GRXCR1: variants seen among roughly 807,000 people sequenced by gnomAD.
The protein encoded by GRXCR1 is glutaredoxin domain-containing cysteine-rich protein 1.
In GRXCR1, 27 loss-of-function variants were observed where a neutral mutation model predicts 27.3. That is an observed-to-expected ratio of 0.99 (90% CI 0.73 to 1.37). The LOEUF is 1.37. Ranked by LOEUF, GRXCR1 falls within the 40% of genes most tolerant of loss-of-function variation. The pLI, the probability that GRXCR1 is intolerant of heterozygous loss-of-function variation, is 0.00. For synonymous variants in GRXCR1, 122 were observed against 131.1 expected, an observed-to-expected ratio of 0.93 and a Z score of 0.47; for missense variants, 379 against 354.4, an observed-to-expected ratio of 1.07 and a Z score of -0.56.
chr4:42,903,338 G>C (rs1360661532), intron 1 of GRXCR1, among the ~76,000 whole-genome samples: 1 of 73,370 alleles, frequency 1.4e-5, no homozygotes, highest in Non-Finnish European at 2.5e-5. Flanking sequence ...TTTTTTTTTA[G>C]ACGGAGTCTC....
chr4:42,944,330 G>GA (rs1577915417), intron 1 of GRXCR1, among the ~76,000 whole-genome samples: 1 of 151,850 alleles, frequency 6.6e-6, no homozygotes, highest in East Asian at 2.0e-4. Context: ...GCACAAGCGA[G>GA]AAAAAAAGAA....
intron 1 of GRXCR1, among the ~76,000 whole-genome samples, chr4:42,906,507 C>A (rs1002198922): frequency 6.6e-6 from 1 of 152,122 alleles, no homozygotes; most frequent in Non-Finnish European, 1.5e-5. Flanking sequence ...ACCTCAGGGG[C>A]TCCACAGTTA....
At chr4:42,931,164 A>G (rs1231234621) in intron 1 of GRXCR1, among the ~76,000 whole-genome samples, 1 of 152,036 alleles carries the variant, frequency 6.6e-6, no homozygotes, top group Non-Finnish European at 1.5e-5. Context: ...AATGTTGGAT[A>G]AACTTTCAGT....
chr4:43,008,574 TAGTAAA>T (rs1191004664), intron 2 of GRXCR1, among the ~76,000 whole-genome samples: 1 of 152,234 alleles, frequency 6.6e-6, no homozygotes, highest in Non-Finnish European at 1.5e-5. Context: ...ATTATAATAC[TAGTAAA>T]AGTAATTTAT....
At chr4:42,992,056 T>A (rs1711991895) in intron 2 of GRXCR1, among the ~76,000 whole-genome samples, 1 of 152,194 alleles carries the variant, frequency 6.6e-6, no homozygotes, top group Admixed American at 6.5e-5. Flanking sequence ...TAGTTTTTAA[T>A]CCTTTTCCAA....
chr4:42,903,043 A>G (rs1041843737), intron 1 of GRXCR1, among the ~76,000 whole-genome samples: 2 of 151,898 alleles, frequency 1.3e-5, no homozygotes, highest in African/African-American at 4.8e-5. Context: ...ATAATCCAGC[A>G]CTGGGCTTCT....
intron 3 of GRXCR1, among the ~76,000 whole-genome samples, chr4:43,021,670 G>A (rs1042319759): frequency 5.3e-5 from 8 of 152,136 alleles, no homozygotes; most frequent in Non-Finnish European, 1.0e-4. Context: ...AAACAATAGA[G>A]TATGTTTAGA....
intron 2 of GRXCR1, among the ~76,000 whole-genome samples, chr4:42,970,658 A>G (rs1210354889): frequency 1.3e-5 from 2 of 152,086 alleles, no homozygotes; most frequent in Admixed American, 6.6e-5. Flanking sequence ...GGCCCTGGGG[A>G]TGGCCCATGA....
At chr4:42,950,430 G>T (rs9684536) in intron 1 of GRXCR1, among the ~76,000 whole-genome samples, 55,699 of 151,972 alleles carry the variant, frequency 0.37, 10,414 homozygotes, top group African/African-American at 0.43. Flanking sequence ...TGATGATTTT[G>T]GTGGTCATCC....
At chr4:43,008,529 T>G (rs1233678057) in intron 2 of GRXCR1, among the ~76,000 whole-genome samples, 1 of 152,236 alleles carries the variant, frequency 6.6e-6, no homozygotes, top group East Asian at 1.9e-4. Flanking sequence ...CAGTGTGCAT[T>G]TGACAAATTT....
chr4:42,991,700 A>G (rs1711980055), intron 2 of GRXCR1, among the ~76,000 whole-genome samples: 1 of 152,118 alleles, frequency 6.6e-6, no homozygotes, highest in South Asian at 2.1e-4. Flanking sequence ...TTGGTATTGT[A>G]CAACATATTT....
chr4:42,961,252 C>G (rs764736405), intron 1 of GRXCR1, among the ~76,000 whole-genome samples: 1 of 151,852 alleles, frequency 6.6e-6, no homozygotes, highest in Non-Finnish European at 1.5e-5. Context: ...GGCTATCATT[C>G]ACGGGCATTT....
At chr4:42,958,105 C>T (rs146690671) in intron 1 of GRXCR1, among the ~76,000 whole-genome samples, 2 of 152,096 alleles carry the variant, frequency 1.3e-5, no homozygotes, top group African/African-American at 2.4e-5. Flanking sequence ...ATGCTGTGAT[C>T]TAAATCTTTG....
At position 43,003,145 on chromosome 4, in the gene GRXCR1, A is replaced by G. The variant is rs542933778; in HGVS notation, c.628-17209A>G. ...TAGGCATGCTTCCTGTTAAGCCTGTAGAACTGTTAGTCACTTAAACTTCTT... is the reference window on the plus strand; with the variant it reads ...TAGGCATGCTTCCTGTTAAGCCTGTGGAACTGTTAGTCACTTAAACTTCTT... On this transcript the variant is annotated intron_variant, in intron 2 of 3. Transcript: ENST00000399770. Among the ~76,000 whole-genome samples the G allele has an allele frequency of 2.1e-4, 32 of 152,316 alleles. 4 individuals are homozygous for G. The highest frequency in any genetic ancestry group is 1.9e-3 in the South Asian group (9 of 4,826).
At chr4:42,976,451 C>T (rs1290013100) in intron 2 of GRXCR1, among the ~76,000 whole-genome samples, 1 of 151,834 alleles carries the variant, frequency 6.6e-6, no homozygotes, top group African/African-American at 2.4e-5. Flanking sequence ...TTAAAACCAA[C>T]TTTATTTTTG....
intron 1 of GRXCR1, among the ~76,000 whole-genome samples, chr4:42,897,302 G>A (rs537899595): frequency 2.6e-5 from 4 of 151,968 alleles, no homozygotes; most frequent in African/African-American, 4.8e-5. Flanking sequence ...TTCAGACAGC[G>A]ATTTTTTTCT....
intron 2 of GRXCR1, among the ~76,000 whole-genome samples, chr4:43,010,613 A>T (rs1436477): frequency 1.3e-5 from 2 of 151,874 alleles, no homozygotes; most frequent in South Asian, 2.1e-4. Context: ...GTGGGGATGG[A>T]GGTAATTACT....
intron 1 of GRXCR1, among the ~76,000 whole-genome samples, chr4:42,916,480 G>T (rs895821844): frequency 1.3e-5 from 2 of 151,964 alleles, no homozygotes; most frequent in African/African-American, 4.8e-5. Context: ...TCATACCATT[G>T]ACATTGTGAA....
chr4:42,984,619 G>A (rs1298834730), intron 2 of GRXCR1, among the ~76,000 whole-genome samples: 1 of 152,246 alleles, frequency 6.6e-6, no homozygotes, highest in Non-Finnish European at 1.5e-5. Context: ...GGTCACTGAG[G>A]CTGGCACAGT....
Sources: allele counts gnomAD v4.1 joint callset (sites outside exome capture counted in the v4.1 genomes callset), GRCh38; gene constraint gnomAD v4.1.1; transcripts MANE v1.5; gene names NCBI Gene and HGNC (gene_info 2026-07-23, HGNC 2026-07-21).